UTRN: variants seen among roughly 807,000 people sequenced by gnomAD.
UTRN encodes the protein dystrophin-related protein 1.
A neutral mutation model predicts 463.9 loss-of-function variants in UTRN; 283 were observed. That is an observed-to-expected ratio of 0.61 (90% confidence interval 0.55 to 0.67). UTRN has a LOEUF of 0.67. UTRN is among the 30% of genes least tolerant of loss of function. UTRN has a pLI of 0.00. For synonymous variants in UTRN, 1,442 were observed against 1,431.5 expected, an observed-to-expected ratio of 1.01 and a Z score of -0.17; for missense variants, 3,922 against 4,084.3, an observed-to-expected ratio of 0.96 and a Z score of 1.08.
intron 54 of UTRN, among the ~76,000 whole-genome samples, chr6:144,743,880 TA>T (rs1790377104): frequency 1.3e-5 from 2 of 152,052 alleles, no homozygotes; most frequent in Admixed American, 1.3e-4. Context: ...TGTGGTCCCT[TA>T]AATAGCTTTG....
At chr6:144,580,372 G>A (rs543233108) in intron 51 of UTRN, among the ~76,000 whole-genome samples, 1 of 152,272 alleles carries the variant, frequency 6.6e-6, no homozygotes, top group South Asian at 2.1e-4. Flanking sequence ...CATGTCTTAT[G>A]ACAACCAGAT....
At chr6:144,732,963 A>G (rs114248350) in intron 54 of UTRN, among the ~76,000 whole-genome samples, 3,665 of 152,238 alleles carry the variant, frequency 0.024, 89 homozygotes, top group African/African-American at 0.06. Context: ...TTGGTCTCCA[A>G]AAGTGCTGAG....
chr6:144,376,274 G>A (rs1780453253), intron 2 of UTRN, among the ~76,000 whole-genome samples: 1 of 152,078 alleles, frequency 6.6e-6, no homozygotes, highest in East Asian at 1.9e-4. Flanking sequence ...GGCCAACATG[G>A]TGAAACCTGG....
intron 34 of UTRN, among the ~76,000 whole-genome samples, chr6:144,509,867 A>T (rs1039168203): frequency 6.6e-6 from 1 of 152,118 alleles, no homozygotes; most frequent in Non-Finnish European, 1.5e-5. Context: ...ATAGTTCTTA[A>T]ATGCTATTCT....
intron 55 of UTRN, 57 bp from the exon 56 acceptor site, chr6:144,751,749 G>C: frequency 6.7e-7 from 1 of 1,497,308 alleles, no homozygotes; most frequent in Non-Finnish European, 9.0e-7. Context: ...AGGATCAACT[G>C]TATTAGCTTT....
chr6:144,737,247 C>T (rs1033635854), intron 54 of UTRN, among the ~76,000 whole-genome samples: 1 of 152,136 alleles, frequency 6.6e-6, no homozygotes, highest in Non-Finnish European at 1.5e-5. Context: ...TTAACTTCTG[C>T]TGTAGACACT....
At chr6:144,678,329 G>T (rs2128683428) in intron 51 of UTRN, 77 bp from the exon 52 acceptor site, 1 of 1,397,802 alleles carries the variant, frequency 7.2e-7, no homozygotes, top group East Asian at 2.3e-5. Flanking sequence ...TATTTTGCTT[G>T]AGAGCAACTC....
In UTRN at chr6:144,554,757, A is replaced by T. The variant is rs771927992; in HGVS notation, c.6998A>T (p.Asp2333Val). 1.4e-5 allele frequency: 23 copies of T among 1,613,966 alleles called. No individual in the cohort carries two copies. The highest frequency in any genetic ancestry group is 1.9e-5 in the Non-Finnish European group (23 of 1,179,994). The change falls in exon 49 of 75, where the codon GAC becomes GTC. Residue 2333 changes from aspartate (D) to valine (V), a missense_variant. By Grantham distance (152) the Asp-to-Val change is radical (BLOSUM62 -3). Transcript: ENST00000367545. ...GVELRQQQLEDMIIDSLQWDD... is the reference protein window; with the variant it reads ...GVELRQQQLEVMIIDSLQWDD... Reference sequence around the variant, plus strand: ...GAGCTAAGACAGCAGCAGCTTGAGGACATGATTATTGACAGTCTTCAGTGG... The same window carrying T: ...GAGCTAAGACAGCAGCAGCTTGAGGTCATGATTATTGACAGTCTTCAGTGG...
intron 51 of UTRN, among the ~76,000 whole-genome samples, chr6:144,632,874 A>G (rs1379509110): frequency 6.6e-6 from 1 of 151,888 alleles, no homozygotes; most frequent in African/African-American, 2.4e-5. Flanking sequence ...GGCATGCACC[A>G]CCATGCCTGG....
At chr6:144,378,583 G>A (rs1234014981) in intron 2 of UTRN, among the ~76,000 whole-genome samples, 1 of 152,208 alleles carries the variant, frequency 6.6e-6, no homozygotes, top group Non-Finnish European at 1.5e-5. Context: ...ATAGCAGCAT[G>A]AACCAATATC....
intron 2 of UTRN, among the ~76,000 whole-genome samples, chr6:144,340,529 T>C (rs1777064293): frequency 6.6e-6 from 1 of 152,218 alleles, no homozygotes; most frequent in African/African-American, 2.4e-5. Context: ...CATTACCTCC[T>C]GTAGTTTCAG....
At chr6:144,668,406 G>A (rs944664853) in intron 51 of UTRN, among the ~76,000 whole-genome samples, 1 of 152,138 alleles carries the variant, frequency 6.6e-6, no homozygotes, top group Non-Finnish European at 1.5e-5. Flanking sequence ...AGTATTTAAA[G>A]TATTCCTATG....
intron 32 of UTRN, 86 bp from the exon 33 acceptor site, chr6:144,493,215 C>T: frequency 7.5e-7 from 1 of 1,331,758 alleles, no homozygotes; most frequent in African/African-American, 1.5e-5. Context: ...GGCTGTCAAT[C>T]TGTGTAAGCT....
At chr6:144,416,106 A>T (rs1005575355) in intron 3 of UTRN, among the ~76,000 whole-genome samples, 9 of 151,820 alleles carry the variant, frequency 5.9e-5, no homozygotes, top group African/African-American at 2.2e-4. Flanking sequence ...GCCTTTCTCC[A>T]GAGTTGACCA....
chr6:144,375,316 A>G (rs367702718), intron 2 of UTRN, among the ~76,000 whole-genome samples: 9 of 152,206 alleles, frequency 5.9e-5, no homozygotes, highest in East Asian at 3.8e-4. Flanking sequence ...TAAGAGCTAA[A>G]TGATATTTAT....
intron 70 of UTRN, 110 bp downstream of exon 70, chr6:144,836,048 G>A: frequency 6.7e-7 from 1 of 1,498,842 alleles, no homozygotes; most frequent in Admixed American, 2.3e-5. Flanking sequence ...AATCTCAGTG[G>A]AGTGAAAATT....
chr6:144,422,843 G>T (rs914958227), intron 4 of UTRN, among the ~76,000 whole-genome samples: 1 of 152,204 alleles, frequency 6.6e-6, no homozygotes, highest in Non-Finnish European at 1.5e-5. Flanking sequence ...CACTCCTGAA[G>T]ATGAATTTCT....
At chr6:144,365,845 C>G (rs1562299251) in intron 2 of UTRN, among the ~76,000 whole-genome samples, 1 of 152,190 alleles carries the variant, frequency 6.6e-6, no homozygotes, top group East Asian at 1.9e-4. Flanking sequence ...TCAAGTGATT[C>G]TCCTGCTTCG....
chr6:144,425,719 C>G (rs921606038), intron 6 of UTRN, among the ~76,000 whole-genome samples: 2 of 152,084 alleles, frequency 1.3e-5, no homozygotes, highest in Non-Finnish European at 2.9e-5. Context: ...TTCAAGTCAT[C>G]CTAGATTTGG....
Sources: allele counts gnomAD v4.1 joint callset (sites outside exome capture counted in the v4.1 genomes callset), GRCh38; gene constraint gnomAD v4.1.1; transcripts MANE v1.5; gene names NCBI Gene and HGNC (gene_info 2026-07-23, HGNC 2026-07-21).